ADAMTSL1: variants seen among roughly 807,000 people sequenced by gnomAD.
ADAMTSL1 encodes ADAMTS-like protein 1.
Under a neutral mutation model 201.8 loss-of-function variants are expected in ADAMTSL1, and 126 were observed. That is an observed-to-expected ratio of 0.62 (90% confidence interval 0.54 to 0.72). The LOEUF (loss-of-function observed/expected upper bound fraction) is 0.72, where lower values mean the gene tolerates loss of function less well. ADAMTSL1 is among the 30% of genes least tolerant of loss of function. The pLI, the probability that ADAMTSL1 is intolerant of heterozygous loss-of-function variation, is 0.00. For synonymous variants in ADAMTSL1, 1,121 were observed against 903.4 expected, an observed-to-expected ratio of 1.24 and a Z score of -4.32; for missense variants, 2,679 against 2,277.8, an observed-to-expected ratio of 1.18 and a Z score of -3.59.
At chr9:18,125,931 A>G (rs2131941936) in intron 1 of ADAMTSL1, among the ~76,000 whole-genome samples, 1 of 152,306 alleles carries the variant, frequency 6.6e-6, no homozygotes, top group African/African-American at 2.4e-5. Context: ...TTTGGAATCC[A>G]GTTCTACTTC....
intron 15 of ADAMTSL1, among the ~76,000 whole-genome samples, chr9:18,728,335 C>T (rs1241961776): frequency 6.6e-6 from 1 of 152,062 alleles, no homozygotes; most frequent in Non-Finnish European, 1.5e-5. Context: ...TCTATGTGAT[C>T]GGACAGCACT....
At chr9:18,598,353 C>T (rs1490428347) in intron 4 of ADAMTSL1, among the ~76,000 whole-genome samples, 1 of 152,176 alleles carries the variant, frequency 6.6e-6, no homozygotes. Flanking sequence ...GGTCTTCTGG[C>T]TCCAAGTCCA....
intron 1 of ADAMTSL1, among the ~76,000 whole-genome samples, chr9:18,063,727 T>C (rs7036762): frequency 0.14 from 20,925 of 152,192 alleles, 2,027 homozygotes; most frequent in East Asian, 0.4. Context: ...GTTTTGTTCA[T>C]TTAAACCAAT....
chr9:18,021,093 CTG>C (rs1412795938), intron 1 of ADAMTSL1, among the ~76,000 whole-genome samples: 1 of 152,100 alleles, frequency 6.6e-6, no homozygotes, highest in African/African-American at 2.4e-5. Context: ...ATCAGGCTCT[CTG>C]GGGCTTTGCT....
At chr9:18,867,477 C>T (rs1416894205) in intron 23 of ADAMTSL1, among the ~76,000 whole-genome samples, 2 of 152,126 alleles carry the variant, frequency 1.3e-5, no homozygotes, top group African/African-American at 2.4e-5. Context: ...GGTAATTTCA[C>T]ATATATACAA....
intron 1 of ADAMTSL1, among the ~76,000 whole-genome samples, chr9:17,969,143 G>A (rs745323463): frequency 3.7e-4 from 56 of 151,986 alleles, no homozygotes; most frequent in Non-Finnish European, 2.9e-5. Context: ...AGTAAGCACA[G>A]ACACTAACTG....
chr9:18,386,795 T>A (rs1400701287), intron 2 of ADAMTSL1, among the ~76,000 whole-genome samples: 1 of 152,196 alleles, frequency 6.6e-6, no homozygotes, highest in African/African-American at 2.4e-5. Context: ...ATTTCTTTGC[T>A]GTTTTGGATT....
intron 2 of ADAMTSL1, among the ~76,000 whole-genome samples, chr9:18,521,736 A>G (rs1818705195): frequency 6.6e-6 from 1 of 152,212 alleles, no homozygotes; most frequent in African/African-American, 2.4e-5. Context: ...ATTTTTGTTT[A>G]TGATGTTATA....
chr9:18,810,332 T>G (rs1348696677), intron 20 of ADAMTSL1, among the ~76,000 whole-genome samples: 1 of 152,194 alleles, frequency 6.6e-6, no homozygotes, highest in African/African-American at 2.4e-5. Flanking sequence ...AACACAGTTC[T>G]GATGAGCTTA....
intron 2 of ADAMTSL1, among the ~76,000 whole-genome samples, chr9:18,381,584 A>C (rs866945788): frequency 1.3e-5 from 2 of 152,174 alleles, no homozygotes; most frequent in Non-Finnish European, 2.9e-5. Context: ...AATAGAACAG[A>C]AGCCTTCACT....
intron 2 of ADAMTSL1, among the ~76,000 whole-genome samples, chr9:18,315,028 C>T (rs1586879303): frequency 6.6e-6 from 1 of 151,590 alleles, no homozygotes; most frequent in East Asian, 2.0e-4. Context: ...GATCTCCTGA[C>T]CTCGTGATCC....
At chr9:18,059,876 C>G (rs1449804598) in intron 1 of ADAMTSL1, among the ~76,000 whole-genome samples, 2 of 151,884 alleles carry the variant, frequency 1.3e-5, no homozygotes, top group Non-Finnish European at 2.9e-5. Context: ...TTTAAGTTCT[C>G]TTTATGTGCA....
intron 2 of ADAMTSL1, among the ~76,000 whole-genome samples, chr9:18,338,969 C>A (rs1835357954): frequency 6.6e-6 from 1 of 152,110 alleles, no homozygotes; most frequent in African/African-American, 2.4e-5. Context: ...CTTTTTATGG[C>A]TACATAGGAT....
chr9:18,242,892 A>G (rs938262317), intron 2 of ADAMTSL1, among the ~76,000 whole-genome samples: 1 of 152,198 alleles, frequency 6.6e-6, no homozygotes, highest in East Asian at 1.9e-4. Flanking sequence ...GATTGAAGTA[A>G]TTATTGCTGT....
At chr9:18,241,466 G>C (rs1191505669) in intron 2 of ADAMTSL1, among the ~76,000 whole-genome samples, 1 of 151,998 alleles carries the variant, frequency 6.6e-6, no homozygotes, top group East Asian at 1.9e-4. Context: ...GCCTTTTGCA[G>C]TAGAGCCTTC....
intron 1 of ADAMTSL1, among the ~76,000 whole-genome samples, chr9:18,079,029 C>T (rs138553443): frequency 6.6e-6 from 1 of 152,246 alleles, no homozygotes; most frequent in Non-Finnish European, 1.5e-5. Context: ...ATCTGTGGAA[C>T]CTCCATCCAG....
chr9:18,448,800 C>T (rs1820296835), intron 2 of ADAMTSL1, among the ~76,000 whole-genome samples: 1 of 151,818 alleles, frequency 6.6e-6, no homozygotes, highest in African/African-American at 2.4e-5. Context: ...CCAGGTATAC[C>T]TTACTGCAAA....
At chr9:18,093,943 T>C (rs374238579) in intron 1 of ADAMTSL1, among the ~76,000 whole-genome samples, 12 of 152,146 alleles carry the variant, frequency 7.9e-5, no homozygotes, top group African/African-American at 2.9e-4. Context: ...AAGAGGCAGG[T>C]CATTATAAGT....
intron 2 of ADAMTSL1, among the ~76,000 whole-genome samples, chr9:18,216,812 GA>G (rs1736924381): frequency 6.6e-6 from 1 of 151,850 alleles, no homozygotes; most frequent in African/African-American, 2.4e-5. Context: ...TTTTTATTCA[GA>G]TTCCATGTTA....
Sources: gnomAD v4.1 joint callset for allele counts (sites outside exome capture counted in the v4.1 genomes callset) on GRCh38, gnomAD v4.1.1 for gene constraint, MANE v1.5 for transcripts, NCBI Gene and HGNC (gene_info 2026-07-23, HGNC 2026-07-21) for gene names.